Variants in SORCS1 observed in about 807,000 individuals in gnomAD.
SORCS1 encodes sortilin related VPS10 domain containing receptor 1.
A neutral mutation model predicts 146.1 loss-of-function variants in SORCS1; 60 were observed. The ratio of observed to expected loss-of-function variants is 0.41; its 90% CI spans 0.33 to 0.51. The LOEUF (loss-of-function observed/expected upper bound fraction) is 0.51. Ranked by LOEUF, SORCS1 falls within the 20% of genes least tolerant of loss-of-function variation. The probability of loss-of-function intolerance (pLI) is 0.21; values close to 1 mark genes in which losing one functional copy is unlikely to be tolerated. For synonymous variants in SORCS1, 637 were observed against 584.0 expected (o/e 1.09, Z -1.31); for missense variants, 1,352 against 1,487.6 (o/e 0.91, Z 1.50).
chr10:106,802,490 C>T (rs925845497), intron 3 of SORCS1, among the ~76,000 whole-genome samples: 2 of 146,530 alleles, frequency 1.4e-5, no homozygotes, highest in Non-Finnish European at 3.0e-5. Context: ...AGCCACTAAA[C>T]CCAGCTAATT....
At chr10:106,889,532 G>A (rs1190330978) in intron 2 of SORCS1, among the ~76,000 whole-genome samples, 1 of 151,998 alleles carries the variant, frequency 6.6e-6, no homozygotes, top group African/African-American at 2.4e-5. Context: ...GGGAGGCCGA[G>A]GTGGGCAGAT....
intron 19 of SORCS1, among the ~76,000 whole-genome samples, 194 bp from the exon 20 acceptor site, chr10:106,620,755 T>C (rs1847690102): frequency 6.6e-6 from 1 of 152,248 alleles, no homozygotes; most frequent in African/African-American, 2.4e-5. Flanking sequence ...CTTGACATTT[T>C]GCACTTACCA....
intron 6 of SORCS1, among the ~76,000 whole-genome samples, chr10:106,710,562 A>T (rs1854907696): frequency 6.6e-6 from 1 of 152,158 alleles, no homozygotes; most frequent in Non-Finnish European, 1.5e-5. Flanking sequence ...CAGTAATGAC[A>T]ACTCTTACGT....
At chr10:106,827,596 A>G (rs1948357262) in intron 3 of SORCS1, among the ~76,000 whole-genome samples, 1 of 152,208 alleles carries the variant, frequency 6.6e-6, no homozygotes, top group South Asian at 2.1e-4. Flanking sequence ...AAATTAAGAG[A>G]GATTGTAAAA....
At chr10:106,630,040 T>A (rs1192578706) in intron 18 of SORCS1, among the ~76,000 whole-genome samples, 2 of 152,116 alleles carry the variant, frequency 1.3e-5, no homozygotes, top group African/African-American at 4.8e-5. Flanking sequence ...TGAGACTCCG[T>A]CTCAGAAACA....
intron 1 of SORCS1, among the ~76,000 whole-genome samples, chr10:107,043,986 A>G (rs553470252): frequency 2.0e-5 from 3 of 152,246 alleles, no homozygotes; most frequent in Non-Finnish European, 4.4e-5. Context: ...TCCTGGCGGG[A>G]TGTGACTTTC....
intron 2 of SORCS1, among the ~76,000 whole-genome samples, chr10:106,955,314 G>A (rs1220464681): frequency 2.0e-5 from 3 of 152,256 alleles, no homozygotes. Flanking sequence ...GAGGCCCCTT[G>A]TCATACACCT....
intron 1 of SORCS1, among the ~76,000 whole-genome samples, chr10:107,162,903 T>G (rs1486443117): frequency 2.0e-5 from 3 of 152,344 alleles, no homozygotes; most frequent in African/African-American, 7.2e-5. Context: ...TTTTCCCCCA[T>G]TTTACCCATC....
chr10:106,642,535 T>A (rs987547423), intron 18 of SORCS1, among the ~76,000 whole-genome samples: 5 of 152,186 alleles, frequency 3.3e-5, no homozygotes, highest in South Asian at 2.1e-4. Flanking sequence ...AATGCACTCA[T>A]ATGGATTTTG....
rs1408356383 is a variant in SORCS1 at position 106,851,375 on chromosome 10, T to C, written c.627-21702A>G. On this transcript the variant is annotated intron_variant, in intron 2 of 25. Transcript: ENST00000263054. Reference sequence around the variant, plus strand: ...ATTTTGAGTTAATTTTTGTGAGGGCTGTAAGGTCTGTGTTCAAACTTCCTT... The same window carrying C: ...ATTTTGAGTTAATTTTTGTGAGGGCCGTAAGGTCTGTGTTCAAACTTCCTT... Among the ~76,000 whole-genome samples the C allele has an allele frequency of 2.6e-5, 4 of 152,378 alleles. No homozygotes were observed. In the South Asian group the frequency reaches 8.3e-4, roughly 32 times the overall value.
intron 8 of SORCS1, among the ~76,000 whole-genome samples, chr10:106,704,726 A>G (rs573436114): frequency 1.3e-5 from 2 of 152,238 alleles, no homozygotes; most frequent in East Asian, 3.9e-4. Context: ...ACAAAAACAA[A>G]AAACAGTTTA....
At chr10:106,898,042 T>TG (rs1369226779) in intron 2 of SORCS1, among the ~76,000 whole-genome samples, 4 of 152,226 alleles carry the variant, frequency 2.6e-5, no homozygotes, top group Non-Finnish European at 5.9e-5. Flanking sequence ...CAGAGTGGAT[T>TG]GTTGTTGCTT....
intron 5 of SORCS1, among the ~76,000 whole-genome samples, chr10:106,743,764 CGCT>C (rs1564921785): frequency 6.6e-6 from 1 of 151,982 alleles, no homozygotes; most frequent in African/African-American, 2.4e-5. Flanking sequence ...AAAATAACAC[CGCT>C]GTGAAAAATC....
intron 1 of SORCS1, among the ~76,000 whole-genome samples, chr10:107,062,433 T>C (rs1425763796): frequency 6.6e-6 from 1 of 151,910 alleles, no homozygotes; most frequent in Admixed American, 6.6e-5. Flanking sequence ...ACTTTAATTA[T>C]AATTATAATT....
rs1378557016 is a variant in SORCS1, at chr10:106,776,623, G to C, written c.796C>G (p.Gln266Glu). Residue 266 changes from glutamine to glutamate, a missense_variant, in exon 4 of 26, where the codon CAA becomes GAA. Physicochemically the swap from Gln to Glu is conservative, Grantham distance 29. Transcript: ENST00000263054. Reference protein sequence around the residue: ...LISSDEGATYQKYRLNFYIQS... With the variant: ...LISSDEGATYEKYRLNFYIQS... ...ATGTAGAAGTTCAGCCGGTACTTTT[G>C]ATAAGTTGCCCCTTCATCTGAGCTG... The C allele has an allele frequency of 3.1e-6, 5 of 1,613,958 alleles. No homozygotes were observed. The highest frequency in any genetic ancestry group is 4.2e-6 in the Non-Finnish European group (5 of 1,179,952).
intron 21 of SORCS1, among the ~76,000 whole-genome samples, chr10:106,614,646 T>C (rs1847233687): frequency 6.6e-6 from 1 of 152,172 alleles, no homozygotes; most frequent in African/African-American, 2.4e-5. Flanking sequence ...CTTACCAAAC[T>C]GCAGAGACTT....
intron 2 of SORCS1, among the ~76,000 whole-genome samples, chr10:106,857,249 G>C (rs1411759590): frequency 6.6e-6 from 1 of 152,180 alleles, no homozygotes; most frequent in Admixed American, 6.5e-5. Context: ...CTTCGGTAAG[G>C]CTTTAGAAAG....
At chr10:106,961,816 T>G (rs773725319) in intron 1 of SORCS1, among the ~76,000 whole-genome samples, 4 of 152,168 alleles carry the variant, frequency 2.6e-5, no homozygotes, top group Non-Finnish European at 4.4e-5. Context: ...TTATTAAAAG[T>G]GGGTATAAAT....
At chr10:107,021,416 A>C (rs1958127016) in intron 1 of SORCS1, among the ~76,000 whole-genome samples, 1 of 140,960 alleles carries the variant, frequency 7.1e-6, no homozygotes, top group Admixed American at 7.6e-5. Flanking sequence ...CGGGAGACTG[A>C]GGCAGGAGAA....
Sources: allele counts gnomAD v4.1 joint callset (sites outside exome capture counted in the v4.1 genomes callset), GRCh38; gene constraint gnomAD v4.1.1; transcripts MANE v1.5; gene names NCBI Gene and HGNC (gene_info 2026-07-23, HGNC 2026-07-21).